Variants in GRIK4 observed in about 807,000 individuals in gnomAD.
GRIK4 encodes glutamate receptor ionotropic, kainate 4.
A neutral mutation model predicts 104.9 loss-of-function variants in GRIK4; 40 were observed. The ratio of observed to expected loss-of-function variants is 0.38; its 90% CI spans 0.30 to 0.50. GRIK4 has a LOEUF of 0.50. Among genes scored for constraint, GRIK4 ranks in the 20% least tolerant of loss-of-function variants. The pLI, the probability that GRIK4 is intolerant of heterozygous loss-of-function variation, is 0.93. For synonymous variants in GRIK4, 485 were observed against 524.9 expected, an observed-to-expected ratio of 0.92 and a Z score of 1.04; for missense variants, 1,047 against 1,308.1, an observed-to-expected ratio of 0.80 and a Z score of 3.08.
chr11:120,526,346 T>C (rs11217904), intron 1 of GRIK4, among the ~76,000 whole-genome samples: 64,246 of 151,954 alleles, frequency 0.42, 16,401 homozygotes, highest in African/African-American at 0.72. Flanking sequence ...TACAGGCATG[T>C]ACCACCATGC....
intron 6 of GRIK4, among the ~76,000 whole-genome samples, chr11:120,827,454 C>A (rs571801224): frequency 1.3e-5 from 2 of 152,192 alleles, no homozygotes; most frequent in East Asian, 1.9e-4. Context: ...GGCAGGCAGG[C>A]CTGCTGCTGG....
chr11:120,743,731 T>C (rs1164840683), intron 3 of GRIK4, among the ~76,000 whole-genome samples: 1 of 152,234 alleles, frequency 6.6e-6, no homozygotes, highest in Non-Finnish European at 1.5e-5. Context: ...GTTCAGCACA[T>C]ACAAAGTCTC....
At chr11:120,632,954 C>G (rs982052912) in intron 1 of GRIK4, among the ~76,000 whole-genome samples, 1 of 152,070 alleles carries the variant, frequency 6.6e-6, no homozygotes, top group Non-Finnish European at 1.5e-5. Flanking sequence ...ACAAATAAGC[C>G]ATGAGATGGG....
At chr11:120,653,136 C>T (rs766069421) in intron 1 of GRIK4, among the ~76,000 whole-genome samples, 1 of 152,210 alleles carries the variant, frequency 6.6e-6, no homozygotes, top group African/African-American at 2.4e-5. Context: ...TGTGTAGCTG[C>T]TGCATGCCAG....
chr11:120,905,583 A>AT lies in GRIK4; in HGVS notation c.1476+93dup, dbSNP rs1942851443. The AT allele has an allele frequency of 1.2e-6, 1 of 856,582 alleles. No individual in the cohort carries two copies. The highest frequency in any genetic ancestry group is 1.9e-6 in the Non-Finnish European group (1 of 517,024). 53.1% of individuals were successfully genotyped at this position (856,582 alleles called of 1,614,324 possible). ...TGTGCTGCACGCTCATGAACCCTCC[A>AT]TTTGTTCAGTCAATCATTCATGCAT... On this transcript the variant is annotated intron_variant, in intron 13 of 20. Coordinates refer to ENST00000527524, the MANE Select transcript of GRIK4 (RefSeq NM_014619.5). The surrounding 1 kb of genome is among the most constrained non-coding windows in gnomAD (Gnocchi z 5.1).
In GRIK4 at chr11:120,952,779, C is replaced by T. The variant is rs1316372880; in HGVS notation, c.1591-76C>T. The T allele has an allele frequency of 1.0e-6, 1 of 983,960 alleles. No individual in the cohort carries two copies. Among genetic ancestry groups the T allele is most frequent in the Non-Finnish European group, 1.6e-6 (1 of 606,772 alleles). 61.0% of individuals were successfully genotyped at this position (983,960 alleles called of 1,614,324 possible). ...GCCAGACCCACACTCACTACCTCCT[C>T]TACCCCGCCCTGCCTGCCCCAAGGT... On this transcript the variant is annotated intron_variant, in intron 14 of 20. Transcript: ENST00000527524. The surrounding 1 kb of genome is among the most constrained non-coding windows in gnomAD (Gnocchi z 5.2).
At chr11:120,891,389 A>G (rs529406415) in intron 11 of GRIK4, among the ~76,000 whole-genome samples, 2 of 152,342 alleles carry the variant, frequency 1.3e-5, no homozygotes, top group African/African-American at 4.8e-5. Flanking sequence ...TTAGGAGCAC[A>G]TGCTTTGGGG....
chr11:120,553,089 T>C (rs1356939603), intron 1 of GRIK4, among the ~76,000 whole-genome samples: 4 of 151,916 alleles, frequency 2.6e-5, no homozygotes, highest in Admixed American at 2.0e-4. Context: ...GCTGTAATTA[T>C]GCATCTCCAG....
intron 1 of GRIK4, among the ~76,000 whole-genome samples, chr11:120,540,572 C>T (rs945409952): frequency 6.6e-6 from 1 of 151,944 alleles, no homozygotes; most frequent in Non-Finnish European, 1.5e-5. Context: ...AGAGATCGTG[C>T]CACTGCGCCC....
intron 3 of GRIK4, among the ~76,000 whole-genome samples, chr11:120,723,207 G>A (rs980256781): frequency 6.6e-6 from 1 of 152,098 alleles, no homozygotes; most frequent in Non-Finnish European, 1.5e-5. Flanking sequence ...CTAAAGGAGG[G>A]CTCTTGGGAA....
At chr11:120,720,561 G>A (rs1264408996) in intron 3 of GRIK4, among the ~76,000 whole-genome samples, 1 of 152,136 alleles carries the variant, frequency 6.6e-6, no homozygotes, top group East Asian at 1.9e-4. Flanking sequence ...ATTAGCTCAG[G>A]ACTGAAAGGA....
chr11:120,611,645 T>G (rs924321189), intron 1 of GRIK4, among the ~76,000 whole-genome samples: 2 of 152,208 alleles, frequency 1.3e-5, no homozygotes, highest in East Asian at 3.9e-4. Flanking sequence ...CACTGCCCAC[T>G]ACCCCAGTCT....
intron 11 of GRIK4, among the ~76,000 whole-genome samples, chr11:120,888,782 A>T (rs115173443): frequency 2.6e-5 from 4 of 152,160 alleles, no homozygotes; most frequent in Non-Finnish European, 4.4e-5. Context: ...TGCTATGTGC[A>T]TTACACCCTG....
chr11:120,594,826 G>A (rs1047309946), intron 1 of GRIK4, among the ~76,000 whole-genome samples: 6 of 152,220 alleles, frequency 3.9e-5, no homozygotes, highest in Non-Finnish European at 7.3e-5. Flanking sequence ...TGGTGGGACT[G>A]AAGAGAATGT....
rs1947840508 is a variant in GRIK4 at position 120,524,939 on chromosome 11, C to T, written c.-159+13052C>T. 6.6e-6 allele frequency among the ~76,000 whole-genome samples: 1 copy of T among 152,158 alleles called. No individual in the cohort carries two copies. The highest frequency in any genetic ancestry group is 1.5e-5 in the Non-Finnish European group (1 of 68,030). On this transcript the variant is annotated intron_variant, in intron 1 of 20. Transcript: ENST00000527524. This position sits in a 1 kb window ranked among gnomAD's most constrained non-coding sequence, Gnocchi z 4.5. ...CAGGGTGAGCTGAGGTCCTAGTCCA[C>T]CTTCCGTCTTCTTGGCTTCTGGAGC...
At chr11:120,739,209 C>G (rs186981243) in intron 3 of GRIK4, among the ~76,000 whole-genome samples, 1 of 152,172 alleles carries the variant, frequency 6.6e-6, no homozygotes, top group African/African-American at 2.4e-5. Context: ...ACCAGCCAGG[C>G]TTGATTTTCC....
chr11:120,857,862 T>C (rs1039848035), intron 8 of GRIK4, among the ~76,000 whole-genome samples: 5 of 152,190 alleles, frequency 3.3e-5, no homozygotes, highest in African/African-American at 1.2e-4. Flanking sequence ...CACAGCCCCC[T>C]GTAGAGAGAG....
At chr11:120,581,924 A>G (rs1394941745) in intron 1 of GRIK4, among the ~76,000 whole-genome samples, 5 of 151,664 alleles carry the variant, frequency 3.3e-5, no homozygotes, top group Non-Finnish European at 5.9e-5. Context: ...CTTCTGCCTC[A>G]GCCTCCCTAG....
At chr11:120,817,889 C>T (rs1452262642) in intron 5 of GRIK4, among the ~76,000 whole-genome samples, 2 of 152,216 alleles carry the variant, frequency 1.3e-5, no homozygotes, top group African/African-American at 2.4e-5. Context: ...AAGAGCCTTG[C>T]GCAAGCACTT....
Sources: allele counts gnomAD v4.1 joint callset (sites outside exome capture counted in the v4.1 genomes callset), GRCh38; gene constraint gnomAD v4.1.1; non-coding constraint Gnocchi (gnomAD v3.1); transcripts MANE v1.5; gene names NCBI Gene and HGNC (gene_info 2026-07-23, HGNC 2026-07-21).